The following SKAP1 variants were observed in gnomAD, a reference collection of about 807,000 sequenced individuals.
SKAP1 encodes src kinase associated phosphoprotein 1, also known as src kinase-associated phosphoprotein 1.
Under a neutral mutation model 58.5 loss-of-function variants are expected in SKAP1, and 44 were observed. That is an observed-to-expected ratio of 0.75 (90% CI 0.59 to 0.97). The LOEUF is 0.97. SKAP1 is among the 50% of genes least tolerant of loss of function. The probability of loss-of-function intolerance (pLI) is 0.00; values close to 1 mark genes in which losing one functional copy is unlikely to be tolerated. For missense variants in SKAP1, 390 were observed against 435.2 expected (o/e 0.90, Z 0.92); for synonymous variants, 127 against 149.7 (o/e 0.85, Z 1.11).
intron 4 of SKAP1, among the ~76,000 whole-genome samples, chr17:48,198,874 G>C (rs1036980808): frequency 2.6e-5 from 4 of 152,196 alleles, no homozygotes; most frequent in African/African-American, 9.7e-5. Flanking sequence ...ACAGAGCAAA[G>C]TGGGAATCCT....
At position 48,220,154 on chromosome 17, in the gene SKAP1, G is replaced by A. The variant is rs150102693; in HGVS notation, c.281-30654C>T. On this transcript the variant is annotated intron_variant, in intron 4 of 12. Coordinates refer to ENST00000336915, the MANE Select transcript of SKAP1 (RefSeq NM_003726.4). The stretch of plus-strand genomic sequence containing the variant: ...AATGTTTGGTAGAATCTCCTAAAGC[G>A]GAATACGCACATACCCTCTAATTCA... Among the ~76,000 whole-genome samples the A allele has an allele frequency of 3.5e-3, 529 of 152,188 alleles. 1 individual carries two copies. The highest frequency in any genetic ancestry group is 0.012 in the African/African-American group (506 of 41,512).
chr17:48,317,142 C>T (rs1390754230), intron 4 of SKAP1, among the ~76,000 whole-genome samples: 3 of 152,082 alleles, frequency 2.0e-5, no homozygotes, highest in Admixed American at 6.5e-5. Context: ...TATGCTCAGA[C>T]GGATGTTCAT....
At chr17:48,408,142 A>C (rs2067613881) in intron 1 of SKAP1, among the ~76,000 whole-genome samples, 1 of 152,160 alleles carries the variant, frequency 6.6e-6, no homozygotes, top group Non-Finnish European at 1.5e-5. Context: ...TGATAACAAG[A>C]ATCATTTTAT....
At chr17:48,288,990 T>C (rs1171222442) in intron 4 of SKAP1, among the ~76,000 whole-genome samples, 1 of 152,092 alleles carries the variant, frequency 6.6e-6, no homozygotes, top group African/African-American at 2.4e-5. Flanking sequence ...AAATGGCAAA[T>C]GTGACACCTG....
At chr17:48,373,992 C>T (rs2067121666) in intron 2 of SKAP1, among the ~76,000 whole-genome samples, 1 of 152,054 alleles carries the variant, frequency 6.6e-6, no homozygotes, top group Admixed American at 6.6e-5. Context: ...TGAACAAAAT[C>T]AAATCTCTTC....
chr17:48,405,426 T>TTTCC (rs2067562685), intron 1 of SKAP1, among the ~76,000 whole-genome samples: 5 of 83,644 alleles, frequency 6.0e-5, no homozygotes, highest in Admixed American at 2.6e-4. Flanking sequence ...TCTTTCTTTC[T>TTTCC]TTCTTTCTTT....
Position 48,182,422 on chromosome 17 carries a change from C to A in SKAP1, c.603G>T (p.Trp201Cys). The change falls in exon 8 of 13, where the codon TGG becomes TGT. Residue 201 changes from tryptophan (W) to cysteine (C), a missense_variant. By Grantham distance (215) the Trp-to-Cys change is radical. Transcript: ENST00000336915. The stretch of plus-strand genomic sequence containing the variant: ...TTAACAAGAAACTTATTTGATCCAC[C>A]CAGTCTCTGGCTTCTGCTGGACTAG... ...TATSPAEARD[W>C]VDQISFLLKD... is the part of the protein sequence containing the mutation. 6.2e-7 allele frequency: 1 copy of A among 1,609,630 alleles called. No individual in the cohort carries two copies. The highest frequency in any genetic ancestry group is 8.5e-7 in the Non-Finnish European group (1 of 1,177,610).
chr17:48,188,878 T>C (rs961305276), intron 5 of SKAP1, among the ~76,000 whole-genome samples: 1 of 152,094 alleles, frequency 6.6e-6, no homozygotes, highest in Non-Finnish European at 1.5e-5. Flanking sequence ...CACGCACCTG[T>C]AGTCCCAGTT....
intron 2 of SKAP1, among the ~76,000 whole-genome samples, chr17:48,369,048 G>A (rs1204021257): frequency 2.0e-5 from 3 of 152,050 alleles, no homozygotes. Flanking sequence ...TTGGGAGTCG[G>A]AGGCAGGAGG....
At chr17:48,427,304 G>A (rs920055378) in intron 1 of SKAP1, among the ~76,000 whole-genome samples, 4 of 152,104 alleles carry the variant, frequency 2.6e-5, no homozygotes, top group South Asian at 2.1e-4. Flanking sequence ...CACTTTCCAA[G>A]CCTATATATA....
intron 2 of SKAP1, among the ~76,000 whole-genome samples, chr17:48,369,146 A>AAAATAAATAAATAAAT (rs59376097): frequency 0.046 from 6,726 of 146,660 alleles, 464 homozygotes; most frequent in African/African-American, 0.16. Context: ...ACTCCATCTC[A>AAAATAAATAAATAAAT]AAATAAATAA....
chr17:48,151,909 T>C (rs2063907569), intron 11 of SKAP1, among the ~76,000 whole-genome samples: 1 of 152,212 alleles, frequency 6.6e-6, no homozygotes, highest in Non-Finnish European at 1.5e-5. Flanking sequence ...TTTGATATAC[T>C]TGGTTAGTTT....
intron 1 of SKAP1, among the ~76,000 whole-genome samples, chr17:48,397,800 T>C (rs575536606): frequency 1.3e-5 from 2 of 152,224 alleles, no homozygotes; most frequent in South Asian, 4.2e-4. Flanking sequence ...ACATATATTA[T>C]AAAATAGGGA....
chr17:48,346,926 C>T (rs1308595028), intron 3 of SKAP1, among the ~76,000 whole-genome samples: 2 of 152,040 alleles, frequency 1.3e-5, no homozygotes, highest in Non-Finnish European at 2.9e-5. Context: ...TTCTAAAAGC[C>T]CTAAGAAGAT....
At chr17:48,398,663 T>C (rs1204345916) in intron 1 of SKAP1, among the ~76,000 whole-genome samples, 1 of 152,114 alleles carries the variant, frequency 6.6e-6, no homozygotes, top group African/African-American at 2.4e-5. Context: ...CACCTAAAAA[T>C]TTGTTTTATA....
At chr17:48,137,562 C>T (rs190102914) in intron 11 of SKAP1, among the ~76,000 whole-genome samples, 63 of 152,304 alleles carry the variant, frequency 4.1e-4, no homozygotes, top group Admixed American at 3.2e-3. Context: ...AAAATTAGCA[C>T]ATTTGATGCC....
intron 2 of SKAP1, among the ~76,000 whole-genome samples, chr17:48,387,103 T>C (rs1598642114): frequency 6.6e-6 from 1 of 152,218 alleles, no homozygotes; most frequent in African/African-American, 2.4e-5. Flanking sequence ...TCAAAAATGA[T>C]TGGTTTTTCC....
intron 1 of SKAP1, among the ~76,000 whole-genome samples, chr17:48,399,099 T>C (rs1216646716): frequency 1.3e-5 from 2 of 152,002 alleles, no homozygotes; most frequent in African/African-American, 4.8e-5. Flanking sequence ...TTTGATGAGA[T>C]ACAAAGTCCT....
rs149876492 is a variant in SKAP1, at chr17:48,242,854, C to T, written c.281-53354G>A. Among the ~76,000 whole-genome samples, 171 of 152,230 alleles carry T rather than the reference C, an allele frequency of 1.1e-3. 1 individual carries two copies. The highest frequency in any genetic ancestry group is 1.7e-3 in the East Asian group (9 of 5,184). On this transcript the variant is annotated intron_variant, in intron 4 of 12. Coordinates refer to ENST00000336915, the MANE Select transcript of SKAP1 (RefSeq NM_003726.4). ...TCTCAGGAACCACACTGAATAAAAACGGTTAGAATTGGATTGGCTAGTCTA... is the reference window on the plus strand; with the variant it reads ...TCTCAGGAACCACACTGAATAAAAATGGTTAGAATTGGATTGGCTAGTCTA...
Sources: allele counts gnomAD v4.1 joint callset (sites outside exome capture counted in the v4.1 genomes callset), GRCh38; gene constraint gnomAD v4.1.1; transcripts MANE v1.5; gene names NCBI Gene and HGNC (gene_info 2026-07-23, HGNC 2026-07-21).